The following SETBP1 variants were observed in gnomAD, a reference collection of about 807,000 sequenced individuals.
SETBP1 encodes SET binding protein 1.
Under a neutral mutation model 101.0 loss-of-function variants are expected in SETBP1, and 9 were observed. The observed-to-expected ratio is 0.09, with a 90% CI of 0.05 to 0.16. The LOEUF is 0.16. SETBP1 is among the 10% of genes least tolerant of loss of function. The probability of loss-of-function intolerance (pLI) is 1.00; values close to 1 mark genes in which losing one functional copy is unlikely to be tolerated. For missense variants in SETBP1, 1,858 were observed against 2,033.8 expected (o/e 0.91, Z 1.66); for synonymous variants, 818 against 788.5 (o/e 1.04, Z -0.63).
chr18:44,740,069 C>T (rs1334951343), intron 2 of SETBP1, among the ~76,000 whole-genome samples: 1 of 152,192 alleles, frequency 6.6e-6, no homozygotes, highest in African/African-American at 2.4e-5. Flanking sequence ...GAACCAGGAC[C>T]TGCCAAGGTG....
chr18:44,990,634 CA>C (rs57868436), intron 4 of SETBP1, among the ~76,000 whole-genome samples: 1,784 of 148,552 alleles, frequency 0.012, 15 homozygotes, highest in Non-Finnish European at 0.018. Context: ...ACAAACAAAC[CA>C]AAAAAAAACA....
At chr18:45,052,943 A>G (rs1961104405) in intron 5 of SETBP1, among the ~76,000 whole-genome samples, 1 of 152,194 alleles carries the variant, frequency 6.6e-6, no homozygotes, top group Admixed American at 6.5e-5. Flanking sequence ...TTCACAACAG[A>G]CTAGAATATT....
At chr18:44,797,357 T>C (rs2071502662) in intron 2 of SETBP1, among the ~76,000 whole-genome samples, 1 of 152,244 alleles carries the variant, frequency 6.6e-6, no homozygotes, top group Non-Finnish European at 1.5e-5. Context: ...TGTAACTGTG[T>C]ATGGCATAGC....
At chr18:44,973,730 A>G (rs2071920618) in intron 4 of SETBP1, among the ~76,000 whole-genome samples, 3 of 152,192 alleles carry the variant, frequency 2.0e-5, no homozygotes, top group African/African-American at 7.2e-5. Context: ...TGAAAGAGGC[A>G]AGAAAATGCT....
intron 3 of SETBP1, among the ~76,000 whole-genome samples, chr18:44,900,483 G>T (rs937005476): frequency 1.3e-5 from 2 of 152,142 alleles, no homozygotes; most frequent in Admixed American, 1.3e-4. Context: ...TAACCAGCCT[G>T]TGTTTCATAA....
At chr18:44,689,808 C>T (rs1159008919) in intron 1 of SETBP1, among the ~76,000 whole-genome samples, 2 of 152,188 alleles carry the variant, frequency 1.3e-5, no homozygotes, top group Non-Finnish European at 2.9e-5. Context: ...AACAGTTCAG[C>T]ATAGGGCTCT....
intron 3 of SETBP1, among the ~76,000 whole-genome samples, chr18:44,942,335 G>T (rs555221343): frequency 6.6e-6 from 1 of 152,162 alleles, no homozygotes; most frequent in African/African-American, 2.4e-5. Flanking sequence ...GCTAATCTCT[G>T]CTAGGCTTTG....
chr18:44,998,600 G>A (rs531942793), intron 4 of SETBP1, among the ~76,000 whole-genome samples: 23 of 152,288 alleles, frequency 1.5e-4, no homozygotes, highest in African/African-American at 2.9e-4. Flanking sequence ...TGTAGATAGC[G>A]CTCTAGGCCG....
chr18:44,902,955 A>C (rs910310901), intron 3 of SETBP1, among the ~76,000 whole-genome samples: 3 of 152,060 alleles, frequency 2.0e-5, no homozygotes, highest in Non-Finnish European at 4.4e-5. Flanking sequence ...TTTTTTTAAA[A>C]AATAATACAA....
At chr18:45,013,940 G>C (rs2072891603) in intron 4 of SETBP1, among the ~76,000 whole-genome samples, 1 of 152,182 alleles carries the variant, frequency 6.6e-6, no homozygotes, top group Admixed American at 6.5e-5. Context: ...ATACACAGAT[G>C]TGTTTAAACA....
chr18:44,736,875 A>G (rs918658890), intron 2 of SETBP1, among the ~76,000 whole-genome samples: 1 of 151,874 alleles, frequency 6.6e-6, no homozygotes, highest in African/African-American at 2.4e-5. Context: ...CATAAAGCCT[A>G]CTCTTATCTC....
At chr18:45,016,956 C>A (rs2072959651) in intron 4 of SETBP1, among the ~76,000 whole-genome samples, 1 of 152,140 alleles carries the variant, frequency 6.6e-6, no homozygotes, top group Non-Finnish European at 1.5e-5. Flanking sequence ...GAAGTGTCAT[C>A]TTTTAATTTT....
At chr18:44,933,753 C>A (rs2070892125) in intron 3 of SETBP1, among the ~76,000 whole-genome samples, 1 of 152,212 alleles carries the variant, frequency 6.6e-6, no homozygotes. Flanking sequence ...CCGAGCCAGG[C>A]ACGGGATATA....
chr18:44,946,046 T>C (rs889044891), intron 3 of SETBP1, among the ~76,000 whole-genome samples: 4 of 152,204 alleles, frequency 2.6e-5, no homozygotes, highest in African/African-American at 7.2e-5. Context: ...TGAAGCGCAT[T>C]GTAATGGGAT....
intron 1 of SETBP1, among the ~76,000 whole-genome samples, chr18:44,697,766 G>T (rs551640097): frequency 6.6e-6 from 1 of 152,322 alleles, no homozygotes; most frequent in Non-Finnish European, 1.5e-5. Flanking sequence ...TCCGGCCAAG[G>T]AGTGAGCACC....
chr18:44,998,595 A>G (rs1350125073), intron 4 of SETBP1, among the ~76,000 whole-genome samples: 1 of 152,234 alleles, frequency 6.6e-6, no homozygotes, highest in Non-Finnish European at 1.5e-5. Context: ...AGATCTGTAG[A>G]TAGCGCTCTA....
intron 3 of SETBP1, among the ~76,000 whole-genome samples, chr18:44,924,296 G>A (rs1267849265): frequency 1.3e-5 from 2 of 152,210 alleles, no homozygotes; most frequent in East Asian, 3.8e-4. Context: ...GGATCAGTGA[G>A]TCAGATGTCA....
At chr18:44,922,279 T>C (rs938436767) in intron 3 of SETBP1, among the ~76,000 whole-genome samples, 21 of 152,302 alleles carry the variant, frequency 1.4e-4, no homozygotes, top group Middle Eastern at 3.4e-3. Context: ...TATAGGCAAA[T>C]AGAGGAATAG....
At chr18:44,794,454 A>G (rs1599137356) in intron 2 of SETBP1, among the ~76,000 whole-genome samples, 1 of 152,188 alleles carries the variant, frequency 6.6e-6, no homozygotes, top group Non-Finnish European at 1.5e-5. Context: ...TTCCAGGAAG[A>G]TATGGTCGTG....
Sources: gnomAD v4.1 joint callset for allele counts (sites outside exome capture counted in the v4.1 genomes callset) on GRCh38, gnomAD v4.1.1 for gene constraint, MANE v1.5 for transcripts, NCBI Gene and HGNC (gene_info 2026-07-23, HGNC 2026-07-21) for gene names.